DOCK1: variants seen among roughly 807,000 people sequenced by gnomAD.
DOCK1 encodes dedicator of cytokinesis 1.
DOCK1 carries 138 observed loss-of-function variants against 262.7 expected under a neutral mutation model. The observed-to-expected ratio is 0.53, with a 90% CI of 0.46 to 0.61. The LOEUF (loss-of-function observed/expected upper bound fraction) is 0.61, where lower values mean the gene tolerates loss of function less well. DOCK1 is among the 20% of genes least tolerant of loss of function. The pLI is 0.00. For synonymous variants in DOCK1, 866 were observed against 867.4 expected (o/e 1.00, Z 0.03); for missense variants, 1,908 against 2,370.7 (o/e 0.80, Z 4.05).
intron 27 of DOCK1, among the ~76,000 whole-genome samples, chr10:127,165,908 T>C (rs2054026702): frequency 1.3e-5 from 2 of 152,324 alleles, no homozygotes; most frequent in South Asian, 2.1e-4. Flanking sequence ...CTGCTGTCTC[T>C]AGCACCGGAA....
rs1032629394 is a variant in DOCK1 at position 127,175,195 on chromosome 10, T to C, written c.2847+47431T>C. On this transcript the variant is annotated intron_variant, in intron 27 of 51. Coordinates refer to ENST00000623213, the MANE Select transcript of DOCK1 (RefSeq NM_001290223.2). This position sits in a 1 kb window ranked among gnomAD's most constrained non-coding sequence, Gnocchi z 6.3. The stretch of plus-strand genomic sequence containing the variant: ...TCAGCCTGCATAGCTTCCTAAGACA[T>C]GGGTGAACATACATACCCTTCCCGA... 6.3e-7 allele frequency: 1 copy of C among 1,590,888 alleles called. No homozygotes were observed.
At chr10:127,234,502 G>A (rs904282096) in intron 27 of DOCK1, among the ~76,000 whole-genome samples, 12 of 152,070 alleles carry the variant, frequency 7.9e-5, no homozygotes, top group African/African-American at 2.9e-4. Flanking sequence ...TCCTGAAATG[G>A]CATAAAAATA....
intron 31 of DOCK1, among the ~76,000 whole-genome samples, chr10:127,348,921 G>A (rs1347723153): frequency 6.6e-6 from 1 of 152,150 alleles, no homozygotes; most frequent in Non-Finnish European, 1.5e-5. Flanking sequence ...ATTTGTGTCT[G>A]TGCTCATTTT....
intron 1 of DOCK1, among the ~76,000 whole-genome samples, chr10:126,948,969 A>T (rs2035905836): frequency 6.6e-6 from 1 of 152,090 alleles, no homozygotes; most frequent in African/African-American, 2.4e-5. Flanking sequence ...AATCCCTTTC[A>T]GTGGCCCGGG....
At chr10:127,449,604 A>C (rs2070822659) in intron 51 of DOCK1, among the ~76,000 whole-genome samples, 1 of 152,212 alleles carries the variant, frequency 6.6e-6, no homozygotes, top group East Asian at 1.9e-4. Flanking sequence ...ATTTACTTGC[A>C]GCCTGAGTGC....
Position 127,451,486 on chromosome 10 carries a change from T to G in DOCK1, c.*59T>G, listed in dbSNP as rs1304237066. On this transcript the variant is annotated 3_prime_UTR_variant, in exon 52 of 52. Transcript: ENST00000623213. ...CCTCCCCATCTCCATGCCCTCTCCT[T>G]CTGTGTCCCCTGAGTCTGCTGTTTA... The G allele has an allele frequency of 6.5e-7, 1 of 1,548,210 alleles. No homozygotes were observed. The highest frequency in any genetic ancestry group is 1.2e-5 in the South Asian group (1 of 83,972).
At chr10:127,214,505 G>A (rs1448134470) in intron 27 of DOCK1, among the ~76,000 whole-genome samples, 1 of 152,138 alleles carries the variant, frequency 6.6e-6, no homozygotes, top group Non-Finnish European at 1.5e-5. Context: ...CAGGTTGATG[G>A]GTGCAGCTGT....
intron 47 of DOCK1, among the ~76,000 whole-genome samples, chr10:127,428,903 T>TGGGATGCTGTGTGTCCTTGGTTG: frequency 8.8e-6 from 1 of 114,276 alleles, no homozygotes; most frequent in East Asian, 2.7e-4. Flanking sequence ...CCGTGTGGAT[T>TGGGATGCTGTGTGTCCTTGGTTG]GAGCCGTGTG....
chr10:126,997,149 T>C (rs2040259465), intron 7 of DOCK1, among the ~76,000 whole-genome samples: 1 of 152,130 alleles, frequency 6.6e-6, no homozygotes. Context: ...ATCTGTCAAA[T>C]GAGACACAAG....
chr10:127,093,223 C>CTTTCTTTCTTTCTTTCTTTTCT (rs2047667166), intron 23 of DOCK1, among the ~76,000 whole-genome samples: 1 of 94,436 alleles, frequency 1.1e-5, no homozygotes, highest in Non-Finnish European at 2.1e-5. Context: ...TCTTTCTTTT[C>CTTTCTTTCTTTCTTTCTTTTCT]TTTCTTTCTT....
intron 16 of DOCK1, among the ~76,000 whole-genome samples, 180 bp from the exon 17 acceptor site, chr10:127,031,470 A>G (rs1379533064): frequency 6.6e-6 from 1 of 152,156 alleles, no homozygotes; most frequent in Non-Finnish European, 1.5e-5. Context: ...CCTTTATGCT[A>G]GGAGTCTTCT....
Position 127,447,384 on chromosome 10 carries a change from G to T in DOCK1, c.5414-10G>T, listed in dbSNP as rs994318448. 2 of 1,609,608 alleles carry T rather than the reference G, an allele frequency of 1.2e-6. No homozygotes were observed. Among genetic ancestry groups the T allele is most frequent in the Non-Finnish European group, 1.7e-6 (2 of 1,177,972 alleles). On this transcript the variant is annotated splice_polypyrimidine_tract_variant and intron_variant, in intron 50 of 51. Coordinates refer to ENST00000623213, the MANE Select transcript of DOCK1 (RefSeq NM_001290223.2). ...GTCGGGCTGATTTTAAATAGATCCC[G>T]GTTTTCCAGGCTTGGAGCTGAACGG...
intron 23 of DOCK1, among the ~76,000 whole-genome samples, chr10:127,080,410 C>T (rs2046833269): frequency 6.6e-6 from 1 of 152,062 alleles, no homozygotes; most frequent in Non-Finnish European, 1.5e-5. Context: ...CTGTCCCCTC[C>T]CATAGCCGAC....
At chr10:126,963,597 TC>T (rs2037400179) in intron 1 of DOCK1, among the ~76,000 whole-genome samples, 1 of 49,396 alleles carries the variant, frequency 2.0e-5, no homozygotes, top group Non-Finnish European at 3.5e-5. Flanking sequence ...TCCCTTCCCT[TC>T]CCTTCCCTTC....
intron 27 of DOCK1, among the ~76,000 whole-genome samples, chr10:127,139,244 AT>A (rs2050994386): frequency 6.6e-6 from 1 of 152,190 alleles, no homozygotes; most frequent in South Asian, 2.1e-4. Context: ...TCCTAGACAA[AT>A]TTTGACATTT....
At chr10:127,361,503 TC>T (rs1405499287) in intron 32 of DOCK1, among the ~76,000 whole-genome samples, 7 of 152,298 alleles carry the variant, frequency 4.6e-5, no homozygotes, top group African/African-American at 1.7e-4. Context: ...AGCCTCAGAT[TC>T]CGGCGCCTTG....
chr10:127,065,774 G>C (rs2045828282), intron 23 of DOCK1, among the ~76,000 whole-genome samples: 1 of 152,068 alleles, frequency 6.6e-6, no homozygotes, highest in Non-Finnish European at 1.5e-5. Context: ...GAAAAGGCCT[G>C]GGGTCAGAGG....
intron 29 of DOCK1, among the ~76,000 whole-genome samples, chr10:127,298,186 C>G (rs2061565735): frequency 6.6e-6 from 1 of 152,132 alleles, no homozygotes; most frequent in Admixed American, 6.5e-5. Context: ...TGTTCTGTAA[C>G]CTTAAATCCT....
intron 27 of DOCK1, among the ~76,000 whole-genome samples, chr10:127,142,233 C>T (rs1428371220): frequency 6.6e-6 from 1 of 152,202 alleles, no homozygotes; most frequent in East Asian, 1.9e-4. Context: ...TGCAGGGGCT[C>T]ATTCTACAGC....
Sources: gnomAD v4.1 joint callset for allele counts (sites outside exome capture counted in the v4.1 genomes callset) on GRCh38, gnomAD v4.1.1 for gene constraint, Gnocchi (gnomAD v3.1) non-coding constraint, MANE v1.5 for transcripts, NCBI Gene and HGNC (gene_info 2026-07-23, HGNC 2026-07-21) for gene names.